The following DLG2 variants were observed in gnomAD, a reference collection of about 807,000 sequenced individuals.
DLG2 encodes the protein discs large MAGUK scaffold protein 2.
In DLG2, 45 loss-of-function variants were observed where a neutral mutation model predicts 132.5. The observed-to-expected ratio is 0.34, with a 90% CI of 0.27 to 0.44. The LOEUF is 0.44. Ranked by LOEUF, DLG2 falls within the 20% of genes least tolerant of loss-of-function variation. The pLI is 1.00. For synonymous variants in DLG2, 424 were observed against 419.6 expected (o/e 1.01, Z -0.13); for missense variants, 1,045 against 1,196.9 (o/e 0.87, Z 1.87).
chr11:84,904,656 A>G (rs1031774470), intron 6 of DLG2, among the ~76,000 whole-genome samples: 2 of 152,162 alleles, frequency 1.3e-5, no homozygotes, highest in African/African-American at 2.4e-5. Flanking sequence ...CCTGATCTGT[A>G]AAATGTAGAT....
intron 3 of DLG2, among the ~76,000 whole-genome samples, chr11:85,321,789 C>T (rs2081085914): frequency 6.6e-6 from 1 of 152,092 alleles, no homozygotes; most frequent in South Asian, 2.1e-4. Context: ...TCATTGATAA[C>T]ACTGACAGGA....
chr11:85,394,574 T>C (rs571249525), intron 3 of DLG2, among the ~76,000 whole-genome samples: 44 of 152,356 alleles, frequency 2.9e-4, no homozygotes, highest in Non-Finnish European at 5.7e-4. Context: ...GTTAGAATAA[T>C]TGTTGACTTC....
In DLG2 at chr11:84,456,245, T is replaced by C. The variant is rs181800711; in HGVS notation, c.519+78325A>G. On this transcript the variant is annotated intron_variant, in intron 7 of 27. Transcript: ENST00000376104. ...CATGATATGAATCATGACAAGTAGC[T>C]ATGCAAGGAAGTAATGCCTTAGAAT... Among the ~76,000 whole-genome samples, 10 of 151,424 alleles carry C rather than the reference T, an allele frequency of 6.6e-5. No individual in the cohort carries two copies. The East Asian group carries it at 1.9e-3, about 30-fold the overall frequency.
chr11:84,666,475 T>C (rs2099699890), intron 6 of DLG2, among the ~76,000 whole-genome samples: 1 of 152,116 alleles, frequency 6.6e-6, no homozygotes, highest in Non-Finnish European at 1.5e-5. Context: ...TATCTATATA[T>C]GTATATGTCT....
intron 6 of DLG2, among the ~76,000 whole-genome samples, chr11:84,649,091 G>A (rs1350753955): frequency 1.3e-5 from 2 of 152,070 alleles, no homozygotes; most frequent in South Asian, 2.1e-4. Flanking sequence ...AAGCTTCCAA[G>A]TACTTAAGCT....
intron 8 of DLG2, among the ~76,000 whole-genome samples, chr11:84,249,139 A>C (rs1006483097): frequency 6.6e-6 from 1 of 152,190 alleles, no homozygotes; most frequent in African/African-American, 2.4e-5. Context: ...GATCCACCAC[A>C]AGAAAGTGGT....
At chr11:84,194,653 G>T (rs2154293792) in intron 8 of DLG2, among the ~76,000 whole-genome samples, 1 of 152,308 alleles carries the variant, frequency 6.6e-6, no homozygotes, top group East Asian at 1.9e-4. Flanking sequence ...ACAGAGTGCT[G>T]ATTGGTGTAT....
intron 4 of DLG2, among the ~76,000 whole-genome samples, chr11:85,186,035 T>A (rs1203722609): frequency 6.6e-6 from 1 of 151,998 alleles, no homozygotes; most frequent in Non-Finnish European, 1.5e-5. Context: ...TCACTAAAAT[T>A]TTTTCTTTAG....
chr11:85,176,616 A>T (rs959184891), intron 4 of DLG2, among the ~76,000 whole-genome samples: 14 of 152,218 alleles, frequency 9.2e-5, no homozygotes, highest in African/African-American at 3.4e-4. Flanking sequence ...GACAAATGGG[A>T]TCTAATTTAA....
chr11:84,056,104 T>G (rs2096493617), intron 11 of DLG2, among the ~76,000 whole-genome samples: 2 of 152,082 alleles, frequency 1.3e-5, no homozygotes, highest in Non-Finnish European at 2.9e-5. Flanking sequence ...ATGTACAGAA[T>G]GTGCAGGTTT....
intron 21 of DLG2, among the ~76,000 whole-genome samples, chr11:83,484,858 T>TAATC (rs985004891): frequency 2.6e-5 from 4 of 152,252 alleles, no homozygotes; most frequent in Middle Eastern, 3.4e-3. Context: ...CATGAATATA[T>TAATC]AATCATTAGA....
At chr11:83,748,525 A>AAGAG (rs2093076246) in intron 18 of DLG2, among the ~76,000 whole-genome samples, 4 of 152,214 alleles carry the variant, frequency 2.6e-5, no homozygotes, top group African/African-American at 7.2e-5. Context: ...TTTAGTGAAG[A>AAGAG]AGAGAGATAA....
At chr11:85,369,883 G>C (rs1186211764) in intron 3 of DLG2, among the ~76,000 whole-genome samples, 2 of 152,148 alleles carry the variant, frequency 1.3e-5, no homozygotes, top group Admixed American at 1.3e-4. Context: ...TTTTTAAAAA[G>C]GGAAGATAAA....
chr11:85,610,688 G>C (rs957128444), intron 2 of DLG2, among the ~76,000 whole-genome samples: 1 of 152,200 alleles, frequency 6.6e-6, no homozygotes, highest in African/African-American at 2.4e-5. Flanking sequence ...TAGATCTCTT[G>C]AACTTTCTAG....
intron 6 of DLG2, among the ~76,000 whole-genome samples, chr11:85,045,015 G>C (rs548403945): frequency 1.3e-5 from 2 of 152,028 alleles, no homozygotes; most frequent in Non-Finnish European, 2.9e-5. Flanking sequence ...GCTGGAAATA[G>C]GAAAGTAGGA....
At chr11:84,340,941 C>T (rs1431729749) in intron 7 of DLG2, among the ~76,000 whole-genome samples, 3 of 152,028 alleles carry the variant, frequency 2.0e-5, no homozygotes, top group Non-Finnish European at 4.4e-5. Flanking sequence ...AGGAGAGCTA[C>T]GTGGAAGAAC....
At position 83,523,963 on chromosome 11, in the gene DLG2, C is replaced by T. The variant is rs1198669790; in HGVS notation, c.2193+8745G>A. Among the ~76,000 whole-genome samples, 16 of 152,266 alleles carry T rather than the reference C, an allele frequency of 1.1e-4. No individual in the cohort carries two copies. The South Asian group carries it at 2.9e-3, about 28-fold the overall frequency. ...CAAAAACACCGTATGCAAATGCACA[C>T]AGGGCAGTTTTGGCAACTCTCCCTT... On this transcript the variant is annotated intron_variant, in intron 21 of 27. Coordinates refer to ENST00000376104, the MANE Select transcript of DLG2 (RefSeq NM_001142699.3).
chr11:85,475,205 A>C (rs754140611), intron 3 of DLG2, among the ~76,000 whole-genome samples: 7 of 151,900 alleles, frequency 4.6e-5, no homozygotes, highest in Non-Finnish European at 8.8e-5. Flanking sequence ...AATAGATTTA[A>C]ACTTAAAAAG....
intron 21 of DLG2, among the ~76,000 whole-genome samples, chr11:83,500,502 C>T (rs1165760669): frequency 6.6e-6 from 1 of 152,116 alleles, no homozygotes; most frequent in Non-Finnish European, 1.5e-5. Context: ...TTTCTTCCAA[C>T]ATCCATCCTG....
Sources: gnomAD v4.1 joint callset for allele counts (sites outside exome capture counted in the v4.1 genomes callset) on GRCh38, gnomAD v4.1.1 for gene constraint, MANE v1.5 for transcripts, NCBI Gene and HGNC (gene_info 2026-07-23, HGNC 2026-07-21) for gene names.